Variants in LRRC31 observed in about 807,000 individuals in gnomAD.
LRRC31 encodes the protein leucine rich repeat containing 31.
Under a neutral mutation model 46.7 loss-of-function variants are expected in LRRC31, and 35 were observed. That is an observed-to-expected ratio of 0.75 (90% CI 0.57 to 0.99). The LOEUF (loss-of-function observed/expected upper bound fraction) is 0.99, where lower values mean the gene tolerates loss of function less well. LRRC31 is among the 50% of genes least tolerant of loss of function. The probability of loss-of-function intolerance (pLI) is 0.00; values close to 1 mark genes in which losing one functional copy is unlikely to be tolerated. For missense variants in LRRC31, 613 were observed against 626.1 expected (o/e 0.98, Z 0.22); for synonymous variants, 236 against 235.1 (o/e 1.00, Z -0.03).
intron 5 of LRRC31, 45 bp downstream of exon 5, chr3:169,856,291 A>T (rs781286042): frequency 8.3e-7 from 1 of 1,206,558 alleles, no homozygotes; most frequent in Admixed American, 2.4e-5. Flanking sequence ...TGTATATCAT[A>T]TATAATTATA....
intron 7 of LRRC31, among the ~76,000 whole-genome samples, chr3:169,848,648 G>A (rs980504550): frequency 2.0e-5 from 3 of 152,082 alleles, no homozygotes; most frequent in African/African-American, 7.2e-5. Flanking sequence ...TAATAGAGAC[G>A]CTGTTTCACC....
At chr3:169,863,169 C>T (rs1387484008) in intron 1 of LRRC31, among the ~76,000 whole-genome samples, 1 of 152,182 alleles carries the variant, frequency 6.6e-6, no homozygotes, top group Non-Finnish European at 1.5e-5. Context: ...AGGCATGAGT[C>T]ACCATGGCAG....
intron 1 of LRRC31, among the ~76,000 whole-genome samples, chr3:169,865,168 T>C (rs1243697297): frequency 6.6e-6 from 1 of 151,516 alleles, no homozygotes; most frequent in Non-Finnish European, 1.5e-5. Context: ...CAAGAATCTC[T>C]TGAACCCGGG....
At chr3:169,866,355 G>A (rs545588142) in intron 1 of LRRC31, among the ~76,000 whole-genome samples, 26 of 152,286 alleles carry the variant, frequency 1.7e-4, no homozygotes, top group African/African-American at 6.0e-4. Context: ...GGGAGAAATA[G>A]AAATGAAGAA....
intron 8 of LRRC31, among the ~76,000 whole-genome samples, chr3:169,842,699 G>C (rs1780488193): frequency 1.3e-5 from 2 of 151,970 alleles, no homozygotes; most frequent in African/African-American, 2.4e-5. Flanking sequence ...AATATACCCT[G>C]ATAAAATGTA....
chr3:169,852,402 C>CAA lies in LRRC31; in HGVS notation c.992-618_992-617dup, dbSNP rs11344242. Among the ~76,000 whole-genome samples the CAA allele has an allele frequency of 2.7e-3, 239 of 88,424 alleles. 13 individuals carry two copies. The highest frequency in any genetic ancestry group is 3.3e-3 in the Non-Finnish European group (142 of 42,422). 58.0% of individuals were successfully genotyped at this position (88,424 alleles called of 152,430 possible). On this transcript the variant is annotated intron_variant, in intron 6 of 8. Coordinates refer to ENST00000316428, the MANE Select transcript of LRRC31 (RefSeq NM_024727.4). Reference sequence around the variant, plus strand: ...CGGGCGACAGAGTGAGACTCCGTCTCAAAAAAAAAAAAAAAAAAAAAAAAA... The same window carrying CAA: ...CGGGCGACAGAGTGAGACTCCGTCTCAAAAAAAAAAAAAAAAAAAAAAAAAAA...
In LRRC31 at chr3:169,839,175, C is replaced by T. The variant is rs987395913; in HGVS notation, c.*807G>A. The T allele has an allele frequency of 6.6e-5, 10 of 152,208 alleles. No homozygotes were observed. The highest frequency in any genetic ancestry group is 2.4e-4 in the African/African-American group (10 of 41,458). 9.4% of individuals were successfully genotyped at this position (152,208 alleles called of 1,614,324 possible). A position where few individuals can be genotyped will look rare whatever the true frequency, so the allele number is the denominator to read the frequency against. On this transcript the variant is annotated 3_prime_UTR_variant, in exon 9 of 9. Transcript: ENST00000316428. ...ATAGTTTAGAGCAACACAAAACTGT[C>T]ATTAACGAATTAAATTAGTTTTATG...
At chr3:169,844,881 G>A (rs531098751) in intron 8 of LRRC31, among the ~76,000 whole-genome samples, 536 of 146,824 alleles carry the variant, frequency 3.7e-3, no homozygotes, top group Middle Eastern at 7.8e-3. Flanking sequence ...GTGGTGAGCC[G>A]AGATCATGCC....
chr3:169,865,744 C>A (rs907311032), intron 1 of LRRC31, among the ~76,000 whole-genome samples: 2 of 151,962 alleles, frequency 1.3e-5, no homozygotes, highest in African/African-American at 4.8e-5. Flanking sequence ...GATTCCAGGT[C>A]GGGGAGGAGG....
chr3:169,861,214 A>G (rs1056099552), intron 2 of LRRC31, among the ~76,000 whole-genome samples: 2 of 149,534 alleles, frequency 1.3e-5, no homozygotes, highest in African/African-American at 4.9e-5. Flanking sequence ...GATTACAGGC[A>G]CCCGCCACCA....
chr3:169,860,694 T>C lies in LRRC31; in HGVS notation c.354A>G (p.Glu118=). ...CAAAACCATTCCAGGAGATATCCAG[T>C]TCTTCCAAGTCTGGGAGAAAAGGCA... ...ALLPFLPDLE[E]LDISWNGFVG... Residue 118 remains glutamate (E), a synonymous_variant, in exon 3 of 9, where the codon GAA becomes GAG. Transcript: ENST00000316428. The C allele has an allele frequency of 6.2e-7, 1 of 1,614,138 alleles. No individual in the cohort carries two copies. The highest frequency in any genetic ancestry group is 1.6e-4 in the Middle Eastern group (1 of 6,062).
chr3:169,852,406 A>C (rs1780811213), intron 6 of LRRC31, among the ~76,000 whole-genome samples: 1 of 149,786 alleles, frequency 6.7e-6, no homozygotes, highest in Admixed American at 6.6e-5. Context: ...CCGTCTCAAA[A>C]AAAAAAAAAA....
intron 5 of LRRC31, among the ~76,000 whole-genome samples, chr3:169,855,965 C>T (rs1369374637): frequency 6.6e-6 from 1 of 152,032 alleles, no homozygotes; most frequent in Non-Finnish European, 1.5e-5. Flanking sequence ...GCTGCAACCT[C>T]ACCTCCTGAG....
intron 1 of LRRC31, 78 bp downstream of exon 1, chr3:169,869,555 A>C (rs1781427443): frequency 1.5e-6 from 2 of 1,333,832 alleles, no homozygotes; most frequent in African/African-American, 3.0e-5. Flanking sequence ...CACAAAAATT[A>C]AAAATAAAAA....
intron 3 of LRRC31, among the ~76,000 whole-genome samples, chr3:169,857,345 T>TATACACAC (rs1491209579): frequency 5.6e-5 from 5 of 89,428 alleles, no homozygotes; most frequent in African/African-American, 2.4e-4. Context: ...TATATATATA[T>TATACACAC]ACACACACAC....
chr3:169,856,390 T>A lies in LRRC31; in HGVS notation c.769A>T (p.Lys257Ter). ...CCACATGAATGTAACTTCAGTACTT[T>A]CAGATTTGAGGTGCTTTTTAATCCC... ...AQGLKSTSNL[K>*]VLKLHSCGLS... Residue 257 changes from lysine (K) to a stop codon, truncating the protein, a stop_gained, in exon 5 of 9, where the codon AAA (lysine) becomes TAA (stop). Transcript: ENST00000316428. LOFTEE classifies it high-confidence loss of function. 1.2e-6 allele frequency: 2 copies of A among 1,604,974 alleles called. No individual in the cohort carries two copies. Among genetic ancestry groups the A allele is most frequent in the Non-Finnish European group, 1.7e-6 (2 of 1,175,834 alleles).
intron 8 of LRRC31, 58 bp from the exon 9 acceptor site, chr3:169,840,371 T>G: frequency 1.3e-6 from 2 of 1,500,352 alleles, no homozygotes; most frequent in Middle Eastern, 1.8e-4. Flanking sequence ...GCCATGGCTA[T>G]TCCCATTTCC....
intron 8 of LRRC31, among the ~76,000 whole-genome samples, chr3:169,846,407 T>C (rs1780604304): frequency 1.3e-5 from 2 of 152,220 alleles, no homozygotes; most frequent in Non-Finnish European, 2.9e-5. Context: ...CCCAGCATTT[T>C]GGGAAGCCTA....
At chr3:169,841,597 TA>T (rs536088751) in intron 8 of LRRC31, among the ~76,000 whole-genome samples, 1 of 152,190 alleles carries the variant, frequency 6.6e-6, no homozygotes, top group South Asian at 2.1e-4. Flanking sequence ...TTTTCTCTTT[TA>T]AAAAATGTTG....
Sources: allele counts gnomAD v4.1 joint callset (sites outside exome capture counted in the v4.1 genomes callset), GRCh38; gene constraint gnomAD v4.1.1; transcripts MANE v1.5; gene names NCBI Gene and HGNC (gene_info 2026-07-23, HGNC 2026-07-21).